Variants in SDK1 observed in about 807,000 individuals in gnomAD.
SDK1 encodes protein sidekick-1.
SDK1 carries 157 observed loss-of-function variants against 245.5 expected under a neutral mutation model. The observed-to-expected ratio is 0.64, with a 90% CI of 0.56 to 0.73. The LOEUF (loss-of-function observed/expected upper bound fraction) is 0.73, where lower values mean the gene tolerates loss of function less well. Ranked by LOEUF, SDK1 falls within the 30% of genes least tolerant of loss-of-function variation. SDK1 has a pLI of 0.00. For missense variants in SDK1, 3,583 were observed against 3,002.3 expected (o/e 1.19, Z -4.52); for synonymous variants, 1,647 against 1,278.5 (o/e 1.29, Z -6.15).
chr7:3,819,630 G>A lies in SDK1; in HGVS notation c.714-1820G>A, dbSNP rs534619002. Among the ~76,000 whole-genome samples the A allele has an allele frequency of 9.5e-4, 145 of 151,994 alleles. 1 individual carries two copies. Among genetic ancestry groups the A allele is most frequent in the African/African-American group, 3.4e-3 (142 of 41,488 alleles). ...ATGGTTCTATAAAAGAATCTATAAAGGAGTCATAAATAATTATAATAAAAC... is the reference window on the plus strand; with the variant it reads ...ATGGTTCTATAAAAGAATCTATAAAAGAGTCATAAATAATTATAATAAAAC... On this transcript the variant is annotated intron_variant, in intron 4 of 44. Transcript: ENST00000404826.
intron 1 of SDK1, among the ~76,000 whole-genome samples, chr7:3,386,764 G>C (rs898783016): frequency 6.6e-6 from 1 of 152,134 alleles, no homozygotes; most frequent in Non-Finnish European, 1.5e-5. Flanking sequence ...CTTCTTGCAG[G>C]TTTTCTGCTG....
At chr7:4,135,752 A>T (rs1779042279) in intron 28 of SDK1, among the ~76,000 whole-genome samples, 1 of 152,228 alleles carries the variant, frequency 6.6e-6, no homozygotes, top group Admixed American at 6.5e-5. Flanking sequence ...TGCCTGCCAC[A>T]TAGTGAGTGC....
chr7:3,573,078 C>G (rs1011522947), intron 1 of SDK1, among the ~76,000 whole-genome samples: 1 of 151,964 alleles, frequency 6.6e-6, no homozygotes, highest in Non-Finnish European at 1.5e-5. Context: ...TGGTGTGGGC[C>G]CTGACCCTCA....
intron 5 of SDK1, among the ~76,000 whole-genome samples, chr7:3,900,699 C>T (rs11514766): frequency 0.25 from 37,416 of 151,984 alleles, 5,318 homozygotes; most frequent in African/African-American, 0.39. Flanking sequence ...CCACCATGAG[C>T]ATTTGGCCGC....
chr7:4,151,947 T>C (rs1184342777), intron 30 of SDK1, among the ~76,000 whole-genome samples: 2 of 152,110 alleles, frequency 1.3e-5, no homozygotes, highest in African/African-American at 4.8e-5. Context: ...TTTACAAGGG[T>C]CTGCGACGTA....
chr7:3,620,928 G>C (rs1246158035), intron 2 of SDK1, among the ~76,000 whole-genome samples: 1 of 152,174 alleles, frequency 6.6e-6, no homozygotes, highest in African/African-American at 2.4e-5. Flanking sequence ...TATCATAGTA[G>C]ATCATAGCAT....
chr7:4,082,779 C>G (rs957937257), intron 22 of SDK1, among the ~76,000 whole-genome samples: 1 of 151,974 alleles, frequency 6.6e-6, no homozygotes, highest in Non-Finnish European at 1.5e-5. Context: ...TGCCACCACA[C>G]CAGCTAACTT....
At chr7:3,915,935 T>C (rs1254772877) in intron 5 of SDK1, among the ~76,000 whole-genome samples, 1 of 152,204 alleles carries the variant, frequency 6.6e-6, no homozygotes, top group Admixed American at 6.5e-5. Flanking sequence ...CGGAAGGAGA[T>C]GTTAATCTCT....
chr7:3,843,253 A>G (rs963351451), intron 5 of SDK1, among the ~76,000 whole-genome samples: 1 of 152,244 alleles, frequency 6.6e-6, no homozygotes, highest in African/African-American at 2.4e-5. Flanking sequence ...TTGTAAACTT[A>G]TATTAGCTTC....
At position 3,580,984 on chromosome 7, in the gene SDK1, A is replaced by AACAAAAAAAAC. The variant is rs1562578298; in HGVS notation, c.299-38095_299-38094insCAAAAAAAACA. 2.7e-4 allele frequency among the ~76,000 whole-genome samples: 37 copies of AACAAAAAAAAC among 139,450 alleles called. 2 individuals carry two copies. The highest frequency in any genetic ancestry group is 7.2e-4 in the African/African-American group (27 of 37,606). The allele number at this position is 139,450 out of a possible 152,430, so 91.5% of individuals were successfully genotyped here. A position where few individuals can be genotyped will look rare whatever the true frequency, so the allele number is the denominator to read the frequency against. On this transcript the variant is annotated intron_variant, in intron 1 of 44. Transcript: ENST00000404826. ...ACTCCATCTCAAAAAAAAAAAAAAA[A>AACAAAAAAAAC]AAAAAAAAAACCAAAACAAAACCCT...
At chr7:3,681,122 G>A (rs1784085780) in intron 4 of SDK1, among the ~76,000 whole-genome samples, 2 of 152,124 alleles carry the variant, frequency 1.3e-5, no homozygotes, top group Admixed American at 6.5e-5. Flanking sequence ...GATTACAGGC[G>A]TGAGCCACCG....
chr7:3,517,820 C>T (rs1782801474), intron 1 of SDK1, among the ~76,000 whole-genome samples: 1 of 152,116 alleles, frequency 6.6e-6, no homozygotes, highest in African/African-American at 2.4e-5. Flanking sequence ...TACATAAGAC[C>T]ATTTTAATAC....
chr7:3,559,329 TG>T lies in SDK1; in HGVS notation c.299-59749del, dbSNP rs150515514. On this transcript the variant is annotated intron_variant, in intron 1 of 44. Coordinates refer to ENST00000404826, the MANE Select transcript of SDK1 (RefSeq NM_152744.4). ...GCTGTTTCCTTTGTGAAATGGTAGT[TG>T]GAAGTATTGTCCGCGGTTATGCAGC... Among the ~76,000 whole-genome samples the T allele has an allele frequency of 2.7e-3, 405 of 152,306 alleles. 2 individuals carry two copies. The highest frequency in any genetic ancestry group is 9.3e-3 in the African/African-American group (386 of 41,578).
intron 1 of SDK1, among the ~76,000 whole-genome samples, chr7:3,467,235 T>C (rs1054887332): frequency 3.9e-5 from 6 of 152,052 alleles, no homozygotes; most frequent in Admixed American, 3.9e-4. Flanking sequence ...TTCACATTTT[T>C]CCAAAAATTA....
At chr7:3,829,998 A>T (rs1257823636) in intron 5 of SDK1, among the ~76,000 whole-genome samples, 1 of 152,142 alleles carries the variant, frequency 6.6e-6, no homozygotes, top group East Asian at 1.9e-4. Flanking sequence ...CTGATAACAA[A>T]GTGGTTGTTT....
chr7:3,458,195 A>T (rs1562498115), intron 1 of SDK1, among the ~76,000 whole-genome samples: 1 of 151,916 alleles, frequency 6.6e-6, no homozygotes, highest in Non-Finnish European at 1.5e-5. Context: ...TTGGTGGGTT[A>T]TTTAATCTGG....
chr7:3,977,451 C>T lies in SDK1; in HGVS notation c.1994+2906C>T, dbSNP rs181984773. Among the ~76,000 whole-genome samples, 203 of 150,212 alleles carry T rather than the reference C, an allele frequency of 1.4e-3. 1 individual carries two copies. The highest frequency in any genetic ancestry group is 4.9e-3 in the African/African-American group (192 of 39,574). Reference sequence around the variant, plus strand: ...CAGAGGGTCCTCCAGCTTTTGTGTACGCATGGGGCAGCCAGGTTTCCCCCA... The same window carrying T: ...CAGAGGGTCCTCCAGCTTTTGTGTATGCATGGGGCAGCCAGGTTTCCCCCA... On this transcript the variant is annotated intron_variant, in intron 13 of 44. Transcript: ENST00000404826.
At chr7:3,361,419 T>C (rs1446641528) in intron 1 of SDK1, among the ~76,000 whole-genome samples, 1 of 152,234 alleles carries the variant, frequency 6.6e-6, no homozygotes, top group African/African-American at 2.4e-5. Flanking sequence ...TTCTTGCTTT[T>C]TCTGTTTCAA....
At chr7:4,255,903 A>G (rs1483349093) in intron 44 of SDK1, among the ~76,000 whole-genome samples, 1 of 139,394 alleles carries the variant, frequency 7.2e-6, no homozygotes, top group Admixed American at 7.2e-5. Flanking sequence ...TCTGAGCACC[A>G]TTTCCAAATA....
Sources: gnomAD v4.1 joint callset for allele counts (sites outside exome capture counted in the v4.1 genomes callset) on GRCh38, gnomAD v4.1.1 for gene constraint, MANE v1.5 for transcripts, NCBI Gene and HGNC (gene_info 2026-07-23, HGNC 2026-07-21) for gene names.